The following CAPZB variants were observed in gnomAD, a reference collection of about 807,000 sequenced individuals.
CAPZB encodes F-actin-capping protein subunit beta.
In CAPZB, 2 loss-of-function variants were observed where a neutral mutation model predicts 38.1. That is an observed-to-expected ratio of 0.05 (90% CI 0.02 to 0.17). The LOEUF is 0.17. Among genes scored for constraint, CAPZB ranks in the 10% least tolerant of loss-of-function variants. The pLI, the probability that CAPZB is intolerant of heterozygous loss-of-function variation, is 1.00. For synonymous variants in CAPZB, 107 were observed against 127.4 expected, an observed-to-expected ratio of 0.84 and a Z score of 1.08; for missense variants, 161 against 334.2, an observed-to-expected ratio of 0.48 and a Z score of 4.04.
At chr1:19,438,980 C>T (rs1003478078) in intron 1 of CAPZB, among the ~76,000 whole-genome samples, 1 of 152,222 alleles carries the variant, frequency 6.6e-6, no homozygotes, top group Non-Finnish European at 1.5e-5. Context: ...GAATCCGTTT[C>T]CAATCAATGA....
intron 2 of CAPZB, among the ~76,000 whole-genome samples, chr1:19,403,997 C>CTA (rs1558230782): frequency 6.6e-6 from 1 of 152,072 alleles, no homozygotes; most frequent in Non-Finnish European, 1.5e-5. Context: ...AGTAGTAGGC[C>CTA]GGGCACGGTG....
chr1:19,383,262 G>A (rs139199374), intron 3 of CAPZB, among the ~76,000 whole-genome samples: 275 of 152,048 alleles, frequency 1.8e-3, no homozygotes, highest in South Asian at 3.3e-3. Context: ...CCTGGCCAAC[G>A]TGGTGAAACC....
intron 2 of CAPZB, among the ~76,000 whole-genome samples, chr1:19,403,653 T>C (rs1052914695): frequency 4.6e-5 from 7 of 152,226 alleles, no homozygotes; most frequent in Admixed American, 2.0e-4. Flanking sequence ...AGGCAGGGGA[T>C]GACAGGCAGG....
At chr1:19,415,019 A>G (rs189388624) in intron 2 of CAPZB, among the ~76,000 whole-genome samples, 1 of 152,396 alleles carries the variant, frequency 6.6e-6, no homozygotes, top group Non-Finnish European at 1.5e-5. Context: ...CTGGCATGAT[A>G]AATTGGGCTG....
At position 19,357,605 on chromosome 1, in the gene CAPZB, C is replaced by G. The variant is rs1324665035; in HGVS notation, c.330-42G>C. On this transcript the variant is annotated intron_variant, in intron 4 of 8. Transcript: ENST00000264202. The surrounding 1 kb of genome is among the most constrained non-coding windows in gnomAD (Gnocchi z 4.3). ...AATGTGCCTGTTAGATGCTAAAGGA[C>G]AGATCATCAGCCTGGGTCCCAGGCT... 5 of 1,607,996 alleles carry G rather than the reference C, an allele frequency of 3.1e-6. No homozygotes were observed. The highest frequency in any genetic ancestry group is 2.6e-6 in the Non-Finnish European group (3 of 1,175,422).
intron 2 of CAPZB, among the ~76,000 whole-genome samples, chr1:19,413,449 C>T (rs966663450): frequency 6.6e-6 from 1 of 152,154 alleles, no homozygotes; most frequent in Non-Finnish European, 1.5e-5. Flanking sequence ...TCCTCCCACC[C>T]CAGCTTCCTG....
At chr1:19,407,518 G>A (rs990664132) in intron 2 of CAPZB, among the ~76,000 whole-genome samples, 2 of 152,192 alleles carry the variant, frequency 1.3e-5, no homozygotes, top group Non-Finnish European at 2.9e-5. Context: ...AGCAAGAGGT[G>A]AGCAGTGCTG....
chr1:19,414,101 C>T (rs1416735488), intron 2 of CAPZB, among the ~76,000 whole-genome samples: 2 of 152,102 alleles, frequency 1.3e-5, no homozygotes, highest in Admixed American at 6.6e-5. Flanking sequence ...TTTTTGGAAA[C>T]GTAAGCAGCG....
chr1:19,346,998 T>A (rs901345851), intron 6 of CAPZB, among the ~76,000 whole-genome samples: 11 of 151,192 alleles, frequency 7.3e-5, no homozygotes, highest in Admixed American at 1.3e-4. Context: ...TTTTTTTTAT[T>A]TTTATTTTTA....
intron 1 of CAPZB, among the ~76,000 whole-genome samples, chr1:19,471,740 G>A (rs1197976621): frequency 5.3e-5 from 8 of 152,162 alleles, no homozygotes; most frequent in South Asian, 4.1e-4. Context: ...GGTGGCGGGC[G>A]CCTGTAGTCC....
intron 1 of CAPZB, among the ~76,000 whole-genome samples, chr1:19,477,440 C>G (rs971863298): frequency 2.6e-5 from 4 of 152,258 alleles, no homozygotes; most frequent in Non-Finnish European, 5.9e-5. Flanking sequence ...AGCCTGGCCG[C>G]TGCTCTTTTG....
At chr1:19,416,740 G>A (rs1392959732) in intron 2 of CAPZB, among the ~76,000 whole-genome samples, 3 of 151,578 alleles carry the variant, frequency 2.0e-5, no homozygotes, top group Non-Finnish European at 4.4e-5. Context: ...GGCGCCTGTT[G>A]TCTTAGCTAC....
At chr1:19,431,163 G>A (rs758660074) in intron 1 of CAPZB, among the ~76,000 whole-genome samples, 13 of 152,230 alleles carry the variant, frequency 8.5e-5, no homozygotes, top group South Asian at 2.1e-4. Context: ...ACAGTTTAGC[G>A]CTTCTGCTTA....
chr1:19,466,043 C>A (rs2094568054), intron 1 of CAPZB, among the ~76,000 whole-genome samples: 3 of 152,108 alleles, frequency 2.0e-5, no homozygotes, highest in African/African-American at 4.8e-5. Flanking sequence ...AGATTTAAAC[C>A]CAGGCAGTCT....
chr1:19,421,977 A>G (rs1021043608), intron 1 of CAPZB, among the ~76,000 whole-genome samples: 2 of 150,044 alleles, frequency 1.3e-5, no homozygotes, highest in African/African-American at 4.9e-5. Context: ...CCAGCCCTGG[A>G]TCTCTCTCTC....
chr1:19,339,509 TG>T lies in CAPZB; in HGVS notation c.*20del. 1 of 1,576,026 alleles carries T rather than the reference TG, an allele frequency of 6.3e-7. No individual in the cohort carries two copies. Among genetic ancestry groups the T allele is most frequent in the Non-Finnish European group, 8.7e-7 (1 of 1,145,166 alleles). On this transcript the variant is annotated 3_prime_UTR_variant, in exon 9 of 9. Transcript: ENST00000264202. Reference sequence around the variant, plus strand: ...GAATCTAACGAGTGCACGGCGTGTCTGGTTAGCATGAAACAGAGGTTTAGCA... The same window carrying T: ...GAATCTAACGAGTGCACGGCGTGTCTGTTAGCATGAAACAGAGGTTTAGCA...
intron 1 of CAPZB, among the ~76,000 whole-genome samples, chr1:19,481,656 C>G (rs571233247): frequency 5.3e-5 from 8 of 152,180 alleles, no homozygotes; most frequent in Non-Finnish European, 8.8e-5. Context: ...ATTTCGGGGC[C>G]CCAGAAAGCC....
chr1:19,348,464 G>T (rs1459085168), intron 6 of CAPZB, among the ~76,000 whole-genome samples: 1 of 152,098 alleles, frequency 6.6e-6, no homozygotes, highest in Non-Finnish European at 1.5e-5. Flanking sequence ...ACCAAGAAAT[G>T]GGAGAGAACT....
At chr1:19,437,409 G>A (rs1402091441) in intron 1 of CAPZB, among the ~76,000 whole-genome samples, 1 of 152,164 alleles carries the variant, frequency 6.6e-6, no homozygotes, top group Non-Finnish European at 1.5e-5. Context: ...GCCACGCACC[G>A]CTGAGTCCCA....
Sources: allele counts gnomAD v4.1 joint callset (sites outside exome capture counted in the v4.1 genomes callset), GRCh38; gene constraint gnomAD v4.1.1; non-coding constraint Gnocchi (gnomAD v3.1); transcripts MANE v1.5; gene names NCBI Gene and HGNC (gene_info 2026-07-23, HGNC 2026-07-21).